LRBA: variants seen among roughly 807,000 people sequenced by gnomAD.
LRBA encodes lipopolysaccharide-responsive and beige-like anchor protein.
A neutral mutation model predicts 330.0 loss-of-function variants in LRBA; 176 were observed. That is an observed-to-expected ratio of 0.53 (90% CI 0.47 to 0.60). The LOEUF (loss-of-function observed/expected upper bound fraction) is 0.60, where lower values mean the gene tolerates loss of function less well. LRBA is among the 20% of genes least tolerant of loss of function. The probability of loss-of-function intolerance (pLI) is 0.00; values close to 1 mark genes in which losing one functional copy is unlikely to be tolerated. For synonymous variants in LRBA, 1,230 were observed against 1,193.0 expected (o/e 1.03, Z -0.64); for missense variants, 3,259 against 3,444.8 (o/e 0.95, Z 1.35).
At chr4:150,886,643 A>C (rs1728967908) in intron 17 of LRBA, among the ~76,000 whole-genome samples, 1 of 152,170 alleles carries the variant, frequency 6.6e-6, no homozygotes. Context: ...AAATGAAGGG[A>C]CACTGGAAAC....
chr4:150,731,383 G>C (rs1415376913), intron 36 of LRBA, among the ~76,000 whole-genome samples: 1 of 152,122 alleles, frequency 6.6e-6, no homozygotes, highest in Non-Finnish European at 1.5e-5. Context: ...AGATTTAGAA[G>C]CAACCTATAT....
chr4:150,790,409 A>G (rs1431118133), intron 34 of LRBA, among the ~76,000 whole-genome samples: 1 of 152,200 alleles, frequency 6.6e-6, no homozygotes, highest in African/African-American at 2.4e-5. Context: ...GGAAACTCAA[A>G]TAAAGATCAA....
intron 48 of LRBA, among the ~76,000 whole-genome samples, chr4:150,335,049 C>G (rs1012867760): frequency 6.6e-6 from 1 of 151,886 alleles, no homozygotes; most frequent in Non-Finnish European, 1.5e-5. Flanking sequence ...AGGCTGGTCT[C>G]AAACTCCTGA....
intron 28 of LRBA, among the ~76,000 whole-genome samples, chr4:150,835,776 A>G (rs1747949281): frequency 6.6e-6 from 1 of 152,102 alleles, no homozygotes; most frequent in Admixed American, 6.6e-5. Flanking sequence ...CTCTTTTCCT[A>G]ATTGAATACC....
intron 38 of LRBA, among the ~76,000 whole-genome samples, chr4:150,596,012 AATC>A (rs1469113915): frequency 2.6e-5 from 4 of 151,978 alleles, no homozygotes; most frequent in African/African-American, 9.7e-5. Context: ...AAGAATACTT[AATC>A]ATAAGAGGAA....
intron 36 of LRBA, among the ~76,000 whole-genome samples, chr4:150,708,513 T>C: frequency 6.6e-6 from 1 of 151,872 alleles, no homozygotes; most frequent in Non-Finnish European, 1.5e-5. Flanking sequence ...ATAATCCTTC[T>C]TAAACACAAA....
intron 37 of LRBA, among the ~76,000 whole-genome samples, chr4:150,632,262 G>A (rs968413424): frequency 2.0e-5 from 3 of 151,548 alleles, no homozygotes; most frequent in African/African-American, 7.3e-5. Context: ...TGATGGCTGA[G>A]GTGCTAGCAG....
chr4:150,505,269 A>G (rs1447492555), intron 40 of LRBA, among the ~76,000 whole-genome samples: 2 of 152,170 alleles, frequency 1.3e-5, no homozygotes, highest in Non-Finnish European at 2.9e-5. Context: ...AAATCAACAG[A>G]ATATACATTT....
In LRBA at chr4:150,364,889, A is replaced by G. The variant is rs577946731; in HGVS notation, c.7195-14730T>C. ...AATTTATATTCTAGGCCTCTTTTTC[A>G]TTAATGTAACCATATATTCACTATA... On this transcript the variant is annotated intron_variant, in intron 47 of 56. Coordinates refer to ENST00000651943, the MANE Select transcript of LRBA (RefSeq NM_001364905.1). 4.6e-5 allele frequency among the ~76,000 whole-genome samples: 7 copies of G among 152,108 alleles called. No homozygotes were observed. In the East Asian group the frequency reaches 9.6e-4, roughly 21 times the overall value.
intron 34 of LRBA, among the ~76,000 whole-genome samples, chr4:150,767,756 CAAAA>C (rs373910038): frequency 0.061 from 7,244 of 118,724 alleles, 499 homozygotes; most frequent in African/African-American, 0.18. Flanking sequence ...AGACTTGTTG[CAAAA>C]AAAAAAAAAA....
At chr4:150,697,427 T>C (rs1294236859) in intron 36 of LRBA, among the ~76,000 whole-genome samples, 4 of 143,974 alleles carry the variant, frequency 2.8e-5, no homozygotes, top group African/African-American at 1.0e-4. Flanking sequence ...AAATAAAATG[T>C]AGAAAATAAA....
intron 37 of LRBA, among the ~76,000 whole-genome samples, chr4:150,654,029 C>T (rs555618292): frequency 6.6e-6 from 1 of 152,234 alleles, no homozygotes; most frequent in East Asian, 1.9e-4. Flanking sequence ...TCTAAAGTTA[C>T]CTGAAATAAT....
intron 2 of LRBA, among the ~76,000 whole-genome samples, chr4:150,991,680 A>G (rs1434878730): frequency 1.3e-5 from 2 of 152,204 alleles, no homozygotes; most frequent in African/African-American, 4.8e-5. Flanking sequence ...AAATGACTAC[A>G]AAGGGGTAAA....
At chr4:150,866,151 A>G (rs1752660363) in intron 22 of LRBA, among the ~76,000 whole-genome samples, 1 of 152,196 alleles carries the variant, frequency 6.6e-6, no homozygotes, top group Non-Finnish European at 1.5e-5. Context: ...TTTTTTATTA[A>G]ATAAATAGCT....
rs575798988 is a variant in LRBA at position 150,285,290 on chromosome 4, T to TCA, written c.8119+642_8119+643insTG. ...AGATGGATAGACTATTATGATGGGA[T>TCA]AAGTAAGCAACGAATTGGAAACAGC... On this transcript the variant is annotated intron_variant, in intron 54 of 56. Transcript: ENST00000651943. 4.9e-4 allele frequency among the ~76,000 whole-genome samples: 75 copies of TCA among 152,314 alleles called. No individual in the cohort carries two copies. The South Asian group carries it at 0.015, about 30-fold the overall frequency.
At chr4:150,345,736 T>C (rs1167047612) in intron 48 of LRBA, among the ~76,000 whole-genome samples, 1 of 152,230 alleles carries the variant, frequency 6.6e-6, no homozygotes, top group Non-Finnish European at 1.5e-5. Context: ...TTCTATTATA[T>C]CAAACTGCAT....
intron 56 of LRBA, among the ~76,000 whole-genome samples, chr4:150,275,443 A>C (rs1303140890): frequency 6.6e-6 from 1 of 152,212 alleles, no homozygotes; most frequent in African/African-American, 2.4e-5. Flanking sequence ...CAATCAGGCA[A>C]GAGAAAGAAA....
At chr4:150,872,504 A>G (rs550389551) in intron 18 of LRBA, among the ~76,000 whole-genome samples, 159 bp downstream of exon 18, 1 of 152,278 alleles carries the variant, frequency 6.6e-6, no homozygotes, top group East Asian at 1.9e-4. Context: ...TGTTCACTTA[A>G]TTTTTAAAAT....
chr4:150,592,262 C>A (rs1249890696), intron 38 of LRBA, among the ~76,000 whole-genome samples: 3 of 140,368 alleles, frequency 2.1e-5, no homozygotes, highest in African/African-American at 7.8e-5. Flanking sequence ...ATATATATAT[C>A]TATATAATTT....
Sources: allele counts gnomAD v4.1 joint callset (sites outside exome capture counted in the v4.1 genomes callset), GRCh38; gene constraint gnomAD v4.1.1; transcripts MANE v1.5; gene names NCBI Gene and HGNC (gene_info 2026-07-23, HGNC 2026-07-21).